BMP5: variants seen among roughly 807,000 people sequenced by gnomAD.
The protein encoded by BMP5 is bone morphogenetic protein 5.
A neutral mutation model predicts 46.6 loss-of-function variants in BMP5; 23 were observed. The observed-to-expected ratio is 0.49, with a 90% CI of 0.35 to 0.70. The LOEUF (loss-of-function observed/expected upper bound fraction) is 0.70, where lower values mean the gene tolerates loss of function less well. BMP5 is among the 30% of genes least tolerant of loss of function. The probability of loss-of-function intolerance (pLI) is 0.00; values close to 1 mark genes in which losing one functional copy is unlikely to be tolerated. For synonymous variants in BMP5, 204 were observed against 191.9 expected, an observed-to-expected ratio of 1.06 and a Z score of -0.52; for missense variants, 545 against 565.6, an observed-to-expected ratio of 0.96 and a Z score of 0.37.
At position 55,843,474 on chromosome 6, in the gene BMP5, A is replaced by G. The variant is rs529221033; in HGVS notation, c.491-23627T>C. Among the ~76,000 whole-genome samples the G allele has an allele frequency of 3.9e-5, 6 of 152,130 alleles. No individual in the cohort carries two copies. In the South Asian group the frequency reaches 1.2e-3, roughly 32 times the overall value. On this transcript the variant is annotated intron_variant, in intron 1 of 6. Transcript: ENST00000370830. ...TACTTATTGTAGTTTTTTTTCCTCC[A>G]ATTCATAGTTATGTTGTTTTCTGCT...
At chr6:55,807,265 T>G (rs1432130800) in intron 2 of BMP5, among the ~76,000 whole-genome samples, 1 of 152,114 alleles carries the variant, frequency 6.6e-6, no homozygotes, top group East Asian at 1.9e-4. Flanking sequence ...TTATTGAGAG[T>G]TTTTAACATG....
chr6:55,796,637 C>G (rs1278406844), intron 2 of BMP5, among the ~76,000 whole-genome samples: 1 of 150,068 alleles, frequency 6.7e-6, no homozygotes, highest in African/African-American at 2.5e-5. Context: ...TCTCCCAATG[C>G]TATCCCTTCC....
chr6:55,863,629 C>T (rs1449087620), intron 1 of BMP5, among the ~76,000 whole-genome samples: 1 of 152,074 alleles, frequency 6.6e-6, no homozygotes, highest in Non-Finnish European at 1.5e-5. Context: ...ATTTTATATA[C>T]GATAAGCAGC....
chr6:55,837,906 C>T (rs183188275), intron 1 of BMP5, among the ~76,000 whole-genome samples: 71 of 152,148 alleles, frequency 4.7e-4, no homozygotes, highest in African/African-American at 1.4e-3. Flanking sequence ...TGAGAACATG[C>T]GTTGCTTGTC....
chr6:55,843,025 A>G (rs1228930632), intron 1 of BMP5, among the ~76,000 whole-genome samples: 1 of 152,166 alleles, frequency 6.6e-6, no homozygotes, highest in Non-Finnish European at 1.5e-5. Context: ...AAGAATAAAC[A>G]TCACTAAATC....
intron 4 of BMP5, among the ~76,000 whole-genome samples, chr6:55,764,138 A>G (rs1264401370): frequency 6.6e-6 from 1 of 152,222 alleles, no homozygotes; most frequent in Non-Finnish European, 1.5e-5. Flanking sequence ...AAGGAAATCA[A>G]TAAGTTGAAG....
chr6:55,850,288 A>G (rs552450803), intron 1 of BMP5, among the ~76,000 whole-genome samples: 3 of 152,222 alleles, frequency 2.0e-5, no homozygotes, highest in Admixed American at 6.6e-5. Context: ...TGTCAAGTAG[A>G]ACATAAATAT....
chr6:55,828,462 T>C (rs1776582115), intron 1 of BMP5, among the ~76,000 whole-genome samples: 1 of 151,834 alleles, frequency 6.6e-6, no homozygotes, highest in East Asian at 1.9e-4. Flanking sequence ...AAATCCATTC[T>C]CACTTCCTTA....
chr6:55,858,536 G>A (rs537845326), intron 1 of BMP5, among the ~76,000 whole-genome samples: 125 of 152,170 alleles, frequency 8.2e-4, no homozygotes, highest in Non-Finnish European at 1.3e-3. Context: ...AAATAAAAGA[G>A]TATGTTTTAG....
chr6:55,784,864 A>C (rs1310054257), intron 3 of BMP5, among the ~76,000 whole-genome samples: 1 of 151,852 alleles, frequency 6.6e-6, no homozygotes, highest in African/African-American at 2.4e-5. Flanking sequence ...TTTATAAAAG[A>C]CTAATTTAAT....
intron 1 of BMP5, among the ~76,000 whole-genome samples, chr6:55,852,189 G>C (rs1447153949): frequency 6.6e-6 from 1 of 151,812 alleles, no homozygotes; most frequent in African/African-American, 2.4e-5. Flanking sequence ...TATTTAGTAG[G>C]GCTTTAAAAT....
Position 55,874,576 on chromosome 6 carries a change from G to A in BMP5, c.290C>T (p.Ser97Leu), listed in dbSNP as rs768565166. The change falls in exon 1 of 7, where the codon TCG (serine) becomes TTG (leucine). Residue 97 changes from serine to leucine, a missense_variant. By Grantham distance (145) the Ser-to-Leu change is moderately radical. Coordinates refer to ENST00000370830, the MANE Select transcript of BMP5 (RefSeq NM_021073.4). The part of the protein sequence containing the change: ...AMTNEENPEE[S>L]EYSVRASLAE... ...CAAGGATGCCCTTACTGAGTACTCC[G>A]ACTCTTCAGGATTTTCTTCATTGGT... The A allele has an allele frequency of 9.3e-6, 15 of 1,613,254 alleles. No individual in the cohort carries two copies. Among genetic ancestry groups the A allele is most frequent in the East Asian group, 2.2e-5 (1 of 44,852 alleles).
chr6:55,853,162 TAAAATAAAATAAAATAAAATAAAATAA>T, intron 1 of BMP5, among the ~76,000 whole-genome samples: 1 of 47,470 alleles, frequency 2.1e-5, no homozygotes, highest in African/African-American at 9.8e-5. Context: ...TAAAATAAAA[TAAAATAAAATAAAATAAAATAAAATAA>T]AATAAAATAA....
intron 1 of BMP5, among the ~76,000 whole-genome samples, chr6:55,831,434 A>G (rs529741915): frequency 6.6e-6 from 1 of 152,212 alleles, no homozygotes; most frequent in South Asian, 2.1e-4. Flanking sequence ...AAAAACTACT[A>G]TATTATCCTT....
intron 2 of BMP5, among the ~76,000 whole-genome samples, chr6:55,796,945 G>A (rs1195158647): frequency 2.0e-5 from 3 of 152,100 alleles, no homozygotes; most frequent in Non-Finnish European, 4.4e-5. Flanking sequence ...AGTTATGAAA[G>A]TTTAATTGAT....
In BMP5 at chr6:55,794,344, C is replaced by A. The variant is rs766887028; in HGVS notation, c.767G>T (p.Ser256Ile). The A allele has an allele frequency of 2.5e-6, 4 of 1,613,870 alleles. No homozygotes were observed. In the Admixed American group the frequency reaches 6.7e-5, roughly 27 times the overall value. Residue 256 changes from serine to isoleucine, a missense_variant, in exon 3 of 7, where the codon AGC becomes ATC. Physicochemically the swap from Ser to Ile is moderately radical, Grantham distance 142. Coordinates refer to ENST00000370830, the MANE Select transcript of BMP5 (RefSeq NM_021073.4). ...GWLVFDITVT[S>I]NHWVINPQNN... ...CTGGGGATTAATCACCCAATGATTG[C>A]TGGTCACAGTGATATCAAAGACAAG...
At chr6:55,780,961 C>T (rs1278227502) in intron 3 of BMP5, among the ~76,000 whole-genome samples, 4 of 152,052 alleles carry the variant, frequency 2.6e-5, no homozygotes, top group Non-Finnish European at 4.4e-5. Context: ...AAATGAGGGG[C>T]TTGCTGTCTC....
intron 2 of BMP5, among the ~76,000 whole-genome samples, chr6:55,801,592 T>C (rs571974143): frequency 6.6e-6 from 1 of 152,310 alleles, no homozygotes; most frequent in South Asian, 2.1e-4. Flanking sequence ...CTTAAATAGA[T>C]TGGTTAGCTC....
In BMP5 at chr6:55,762,501, C is replaced by T. The variant is rs1774811752; in HGVS notation, c.1028-1968G>A. ...TACTATGCAATTAACTTCATTAAAA[C>T]AGATTAAATAAGTAGATAATGGGAA... is the stretch of plus-strand genomic sequence containing the variant. On this transcript the variant is annotated intron_variant, in intron 4 of 6. Coordinates refer to ENST00000370830, the MANE Select transcript of BMP5 (RefSeq NM_021073.4). Among the ~76,000 whole-genome samples the T allele has an allele frequency of 2.0e-5, 3 of 152,188 alleles. No homozygotes were observed. The South Asian group carries it at 6.2e-4, about 32-fold the overall frequency.
Sources: allele counts gnomAD v4.1 joint callset (sites outside exome capture counted in the v4.1 genomes callset), GRCh38; gene constraint gnomAD v4.1.1; transcripts MANE v1.5; gene names NCBI Gene and HGNC (gene_info 2026-07-23, HGNC 2026-07-21).